The following ERGIC2 variants were observed in gnomAD, a reference collection of about 807,000 sequenced individuals.
ERGIC2 encodes endoplasmic reticulum-Golgi intermediate compartment protein 2.
A neutral mutation model predicts 52.5 loss-of-function variants in ERGIC2; 31 were observed. That is an observed-to-expected ratio of 0.59 (90% CI 0.44 to 0.80). The LOEUF is 0.80. Ranked by LOEUF, ERGIC2 falls within the 30% of genes least tolerant of loss-of-function variation. ERGIC2 has a pLI of 0.00. For synonymous variants in ERGIC2, 129 were observed against 140.6 expected (o/e 0.92, Z 0.58); for missense variants, 395 against 455.2 (o/e 0.87, Z 1.20).
intron 1 of ERGIC2, chr12:29,373,054 T>A (rs1401104521): frequency 6.6e-6 from 1 of 151,794 alleles, no homozygotes; most frequent in Admixed American, 6.6e-5. Context: ...GTCACATGGA[T>A]CCTAACTTTA....
chr12:29,352,448 A>T (rs1366726629), intron 8 of ERGIC2, among the ~76,000 whole-genome samples: 2 of 152,168 alleles, frequency 1.3e-5, no homozygotes, highest in Non-Finnish European at 2.9e-5. Flanking sequence ...GGATCACCTG[A>T]GGTCAGGAGT....
Position 29,370,183 on chromosome 12 carries a change from A to G in ERGIC2, c.146T>C (p.Ile49Thr), listed in dbSNP as rs2136877781. The change falls in exon 3 of 14, where the codon ATA becomes ACA. Residue 49 changes from isoleucine to threonine, a missense_variant. Physicochemically the swap from Ile to Thr is moderately conservative, Grantham distance 89 (BLOSUM62 -1). Transcript: ENST00000360150. Reference protein sequence around the residue: ...IAFTTMALLTIMEFSVYQDTW... With the variant: ...IAFTTMALLTTMEFSVYQDTW... ...ATCTTGATATACTGAGAATTCCATT[A>G]TGGTTAATAAAGCCATAGTTGTAAA... 6.4e-7 allele frequency: 1 copy of G among 1,553,280 alleles called. No homozygotes were observed. Among genetic ancestry groups the G allele is most frequent in the Non-Finnish European group, 8.6e-7 (1 of 1,159,928 alleles).
rs189617888 is a variant in ERGIC2 at position 29,338,426 on chromosome 12, C to T, written c.*2730G>A. ...GCAGGAGACTAAGGTGGGAGGATTA[C>T]TTGAGTCCGGGAGTTGGAGTCCAGC... On this transcript the variant is annotated 3_prime_UTR_variant, in exon 14 of 14. Coordinates refer to ENST00000360150, the MANE Select transcript of ERGIC2 (RefSeq NM_016570.3). The T allele has an allele frequency of 2.6e-5, 4 of 152,166 alleles. No individual in the cohort carries two copies. The East Asian group carries it at 7.7e-4, about 29-fold the overall frequency. The allele number at this position is 152,166 out of a possible 1,614,324, so 9.4% of individuals were successfully genotyped here.
intron 9 of ERGIC2, among the ~76,000 whole-genome samples, chr12:29,349,702 T>C (rs999581604): frequency 2.6e-5 from 4 of 152,064 alleles, no homozygotes; most frequent in Non-Finnish European, 5.9e-5. Context: ...TTTATACATG[T>C]CTATACATCC....
At chr12:29,358,126 C>T (rs1940234428) in intron 6 of ERGIC2, among the ~76,000 whole-genome samples, 1 of 152,136 alleles carries the variant, frequency 6.6e-6, no homozygotes, top group African/African-American at 2.4e-5. Flanking sequence ...ACACAATGGA[C>T]TTGATGGACT....
chr12:29,357,942 T>C (rs1354350872), intron 6 of ERGIC2, among the ~76,000 whole-genome samples: 1 of 152,204 alleles, frequency 6.6e-6, no homozygotes, highest in Non-Finnish European at 1.5e-5. Context: ...TCCATAAGCT[T>C]GTTTGATTCC....
chr12:29,361,278 G>A (rs1472972101), intron 6 of ERGIC2, among the ~76,000 whole-genome samples: 2 of 151,994 alleles, frequency 1.3e-5, no homozygotes, highest in Non-Finnish European at 2.9e-5. Flanking sequence ...ACAAATTTGT[G>A]TTAAGCTACA....
At chr12:29,367,616 A>C (rs747134354) in intron 4 of ERGIC2, among the ~76,000 whole-genome samples, 1 of 151,912 alleles carries the variant, frequency 6.6e-6, no homozygotes, top group African/African-American at 2.4e-5. Flanking sequence ...AAATTATTTC[A>C]TACTTTTAAA....
At chr12:29,371,777 C>T in intron 1 of ERGIC2, 107 bp from the exon 2 acceptor site, 2 of 570,528 alleles carry the variant, frequency 3.5e-6, no homozygotes, top group South Asian at 2.5e-5. Flanking sequence ...TTAACATTCT[C>T]ATCCCCCCTT....
At chr12:29,372,585 G>A (rs1940457079) in intron 1 of ERGIC2, 1 of 151,906 alleles carries the variant, frequency 6.6e-6, no homozygotes, top group South Asian at 2.1e-4. Flanking sequence ...AAATACTGAA[G>A]ACAGAAACAA....
intron 6 of ERGIC2, among the ~76,000 whole-genome samples, chr12:29,360,390 G>GA (rs1940266794): frequency 6.6e-6 from 1 of 150,532 alleles, no homozygotes; most frequent in South Asian, 2.1e-4. Context: ...TATATATATA[G>GA]AAATGAATCC....
In ERGIC2 at chr12:29,341,186, G is replaced by A; in HGVS notation, c.1104C>T (p.His368=). Reference sequence around the variant, plus strand: ...GTGTATTATTTTCTAAAAGAGGTAAGTGGTTGTCTGTGTGGCCATCCTCAA... The same window carrying A: ...GTGTATTATTTTCTAAAAGAGGTAAATGGTTGTCTGTGTGGCCATCCTCAA... The part of the protein sequence containing the change: ...VPFEDGHTDN[H]LPLLENNTH The change falls in exon 14 of 14, where the codon CAC becomes CAT. Residue 368 remains histidine (H), a synonymous_variant. Coordinates refer to ENST00000360150, the MANE Select transcript of ERGIC2 (RefSeq NM_016570.3). 1 of 1,609,998 alleles carries A rather than the reference G, an allele frequency of 6.2e-7. No individual in the cohort carries two copies.
Position 29,345,745 on chromosome 12 carries a change from C to T in ERGIC2, c.728-205G>A, listed in dbSNP as rs187528125. Reference sequence around the variant, plus strand: ...TCTCGAACTTGAGTCTGGGAGTTCGCGACCAGTCTGGTCAAGAGAGCCAGA... The same window carrying T: ...TCTCGAACTTGAGTCTGGGAGTTCGTGACCAGTCTGGTCAAGAGAGCCAGA... On this transcript the variant is annotated intron_variant, in intron 10 of 13. Coordinates refer to ENST00000360150, the MANE Select transcript of ERGIC2 (RefSeq NM_016570.3). 6.6e-5 allele frequency among the ~76,000 whole-genome samples: 10 copies of T among 151,990 alleles called. No individual in the cohort carries two copies. The East Asian group carries it at 7.8e-4, about 12-fold the overall frequency.
Position 29,338,563 on chromosome 12 carries a change from G to C in ERGIC2, c.*2593C>G, listed in dbSNP as rs953001394. On this transcript the variant is annotated 3_prime_UTR_variant, in exon 14 of 14. Transcript: ENST00000360150. ...GCAGATGGAAGCAGGAGGATTGCTT[G>C]AACCCAGGAGTTCGAGGATGCAGTG... 6.6e-6 allele frequency: 1 copy of C among 152,090 alleles called. No individual in the cohort carries two copies. Among genetic ancestry groups the C allele is most frequent in the African/African-American group, 2.4e-5 (1 of 41,368 alleles). 9.4% of individuals were successfully genotyped at this position (152,090 alleles called of 1,614,324 possible). A position where few individuals can be genotyped will look rare whatever the true frequency, so the allele number is the denominator to read the frequency against.
intron 5 of ERGIC2, 149 bp from the exon 6 acceptor site, chr12:29,361,834 A>G: frequency 2.0e-6 from 1 of 511,040 alleles, no homozygotes; most frequent in Non-Finnish European, 3.3e-6. Context: ...TCTATAAGTC[A>G]AATTAAAATT....
intron 1 of ERGIC2, among the ~76,000 whole-genome samples, chr12:29,375,662 C>G (rs10492383): frequency 6.6e-6 from 1 of 152,098 alleles, no homozygotes; most frequent in South Asian, 2.1e-4. Context: ...CATAAAGATA[C>G]GGCAAGCAGT....
intron 1 of ERGIC2, among the ~76,000 whole-genome samples, chr12:29,379,731 A>G (rs1350129427): frequency 1.3e-5 from 2 of 152,228 alleles, no homozygotes; most frequent in African/African-American, 4.8e-5. Context: ...ACTAAGGCAC[A>G]GAGAGGTTAA....
At chr12:29,352,078 A>G (rs1940140326) in intron 8 of ERGIC2, among the ~76,000 whole-genome samples, 1 of 152,176 alleles carries the variant, frequency 6.6e-6, no homozygotes, top group Non-Finnish European at 1.5e-5. Context: ...AATACAATAA[A>G]TAAATAAAAT....
At chr12:29,347,328 G>A (rs1399855797) in intron 10 of ERGIC2, among the ~76,000 whole-genome samples, 1 of 152,198 alleles carries the variant, frequency 6.6e-6, no homozygotes, top group Admixed American at 6.5e-5. Context: ...GAGGAGTATG[G>A]AGTTAGGTTG....
Sources: gnomAD v4.1 joint callset for allele counts (sites outside exome capture counted in the v4.1 genomes callset) on GRCh38, gnomAD v4.1.1 for gene constraint, MANE v1.5 for transcripts, NCBI Gene and HGNC (gene_info 2026-07-23, HGNC 2026-07-21) for gene names.